GCN1: variants seen among roughly 807,000 people sequenced by gnomAD.
GCN1 encodes GCN1 activator of EIF2AK4.
In GCN1, 90 loss-of-function variants were observed where a neutral mutation model predicts 288.4. The observed-to-expected ratio is 0.31, with a 90% CI of 0.26 to 0.37. The LOEUF is 0.37. Among genes scored for constraint, GCN1 ranks in the 10% least tolerant of loss-of-function variants. The pLI, the probability that GCN1 is intolerant of heterozygous loss-of-function variation, is 1.00. For missense variants in GCN1, 2,586 were observed against 3,419.9 expected (o/e 0.76, Z 6.08); for synonymous variants, 1,386 against 1,420.2 (o/e 0.98, Z 0.54).
chr12:120,128,460 C>T (rs202048362), intron 57 of GCN1, among the ~76,000 whole-genome samples: 6 of 151,910 alleles, frequency 3.9e-5, no homozygotes, highest in South Asian at 2.1e-4. Context: ...CTCAGCTTCC[C>T]GAGTAGCTGA....
At position 120,155,455 on chromosome 12, in the gene GCN1, T is replaced by TGCTTAGACA. The variant is rs778036103; in HGVS notation, c.3441-34_3441-26dup. ...CCTGTGGGAGATCCAAGGCAGGGGC[T>TGCTTAGACA]GCTTAGACAAAGATCTGCAGCACTT... On this transcript the variant is annotated intron_variant, in intron 29 of 57. Transcript: ENST00000300648. This position sits in a 1 kb window ranked among gnomAD's most constrained non-coding sequence, Gnocchi z 4.9. The TGCTTAGACA allele has an allele frequency of 9.3e-6, 15 of 1,609,862 alleles. No individual in the cohort carries two copies. The highest frequency in any genetic ancestry group is 1.2e-5 in the Non-Finnish European group (14 of 1,177,260).
At position 120,134,351 on chromosome 12, in the gene GCN1, C is replaced by T. The variant is rs1453786629; in HGVS notation, c.7257G>A (p.Val2419=). ...CGATGTTTTTCCGGATGACGGCATC[C>T]ACTTTGGCCCCTGCTCCCTGAATCA... ...RFVIQGAGAK[V]DAVIRKNIVS... The change falls in exon 53 of 58, where the codon GTG becomes GTA. Residue 2419 remains valine (V), a synonymous_variant. Coordinates refer to ENST00000300648, the MANE Select transcript of GCN1 (RefSeq NM_006836.2). The surrounding 1 kb of genome is among the most constrained non-coding windows in gnomAD (Gnocchi z 5.0). 1 of 1,614,126 alleles carries T rather than the reference C, an allele frequency of 6.2e-7. No homozygotes were observed. Among genetic ancestry groups the T allele is most frequent in the Non-Finnish European group, 8.5e-7 (1 of 1,180,010 alleles).
Position 120,142,457 on chromosome 12 carries a change from G to A in GCN1, c.5829+50C>T. The A allele has an allele frequency of 4.3e-6, 6 of 1,398,288 alleles. No homozygotes were observed. Among genetic ancestry groups the A allele is most frequent in the Non-Finnish European group, 6.1e-6 (6 of 985,106 alleles). The allele number at this position is 1,398,288 out of a possible 1,614,324, so 86.6% of individuals were successfully genotyped here. On this transcript the variant is annotated intron_variant, in intron 44 of 57. Coordinates refer to ENST00000300648, the MANE Select transcript of GCN1 (RefSeq NM_006836.2). The surrounding 1 kb of genome is among the most constrained non-coding windows in gnomAD (Gnocchi z 4.9). ...CTGCAGACCCAGCCTTCTAGGCTCTGAAAGGAGGCACTGGGGCTGCTGGTC... is the reference window on the plus strand; with the variant it reads ...CTGCAGACCCAGCCTTCTAGGCTCTAAAAGGAGGCACTGGGGCTGCTGGTC...
At chr12:120,174,648 G>A (rs1284267988) in intron 12 of GCN1, among the ~76,000 whole-genome samples, 3 of 151,936 alleles carry the variant, frequency 2.0e-5, no homozygotes, top group Middle Eastern at 3.4e-3. Flanking sequence ...AAAATTAGCT[G>A]GATGTGGTGG....
At chr12:120,191,001 A>G (rs544262102) in intron 1 of GCN1, among the ~76,000 whole-genome samples, 8 of 152,170 alleles carry the variant, frequency 5.3e-5, no homozygotes, top group Admixed American at 1.3e-4. Flanking sequence ...CACTCCCCCA[A>G]TCTTCAGTTT....
At chr12:120,160,071 G>A in intron 23 of GCN1, 48 bp from the exon 24 acceptor site, 1 of 1,582,770 alleles carries the variant, frequency 6.3e-7, no homozygotes. Context: ...CCCTGCTTGT[G>A]ACAGCAAGCA....
Position 120,153,266 on chromosome 12 carries a change from CT to C in GCN1, c.4008del (p.Val1337Ter). 6.2e-7 allele frequency: 1 copy of C among 1,614,222 alleles called. No individual in the cohort carries two copies. Among genetic ancestry groups the C allele is most frequent in the East Asian group, 2.2e-5 (1 of 44,884 alleles). Reference protein sequence around the residue: ...LAKHLDKSDPKVKPIVAKLIA... With the variant: ...LAKHLDKSDPXVKPIVAKLIA... The stretch of plus-strand genomic sequence containing the variant: ...ATGAGCTTGGCAACAATGGGCTTCA[CT>C]TTGGGGTCACTCTTGTCCAGGTGCT... On this transcript the variant is annotated frameshift_variant, in exon 33 of 58. Transcript: ENST00000300648. LOFTEE classifies it high-confidence loss of function. The surrounding 1 kb of genome is among the most constrained non-coding windows in gnomAD (Gnocchi z 4.4).
intron 34 of GCN1, among the ~76,000 whole-genome samples, chr12:120,150,392 A>C (rs1244941027): frequency 4.1e-5 from 6 of 145,898 alleles, no homozygotes; most frequent in South Asian, 4.4e-4. Flanking sequence ...GTCAGGAAAT[A>C]GAGACCATCT....
At chr12:120,189,816 T>C (rs1044722831) in intron 2 of GCN1, among the ~76,000 whole-genome samples, 1 of 151,658 alleles carries the variant, frequency 6.6e-6, no homozygotes, top group Non-Finnish European at 1.5e-5. Flanking sequence ...CCATCTCTAC[T>C]AAAAACACGA....
chr12:120,184,652 G>A (rs959979898), intron 3 of GCN1, among the ~76,000 whole-genome samples, 172 bp downstream of exon 3: 25 of 152,108 alleles, frequency 1.6e-4, no homozygotes, highest in Admixed American at 1.0e-3. Flanking sequence ...TGCAGACAAG[G>A]AAACTGAGGC....
rs775365844 is a variant in GCN1, at chr12:120,178,837, C to T, written c.525+15G>A. 3.7e-6 allele frequency: 6 copies of T among 1,613,674 alleles called. No individual in the cohort carries two copies. The highest frequency in any genetic ancestry group is 5.1e-6 in the Non-Finnish European group (6 of 1,179,552). ...TGGAAGAAGCAATGCCCACCAGCCCCTGCAGTCCTGTCACCTCTTTCCACA... is the reference window on the plus strand; with the variant it reads ...TGGAAGAAGCAATGCCCACCAGCCCTTGCAGTCCTGTCACCTCTTTCCACA... On this transcript the variant is annotated intron_variant, in intron 6 of 57. Coordinates refer to ENST00000300648, the MANE Select transcript of GCN1 (RefSeq NM_006836.2).
rs762260330 is a variant in GCN1, at chr12:120,161,464, T to A, written c.2436+26A>T. The stretch of plus-strand genomic sequence containing the variant: ...GAGGCCACCAAGCTCAGCAGCCACC[T>A]TCCGTAAGTGCCTCCGTGTACTCAC... On this transcript the variant is annotated intron_variant, in intron 22 of 57. Transcript: ENST00000300648. 20 of 1,519,270 alleles carry A rather than the reference T, an allele frequency of 1.3e-5. 1 individual carries two copies. The South Asian group carries it at 2.2e-4, about 17-fold the overall frequency. The allele number at this position is 1,519,270 out of a possible 1,614,324, so 94.1% of individuals were successfully genotyped here. A position where few individuals can be genotyped will look rare whatever the true frequency, so the allele number is the denominator to read the frequency against.
intron 5 of GCN1, among the ~76,000 whole-genome samples, chr12:120,180,832 C>A (rs1186939636): frequency 1.3e-5 from 2 of 148,522 alleles, no homozygotes; most frequent in South Asian, 4.3e-4. Context: ...ACTAAAAATA[C>A]AAAAAAAATT....
intron 56 of GCN1, among the ~76,000 whole-genome samples, chr12:120,129,913 C>T (rs1876759367): frequency 6.6e-6 from 1 of 152,164 alleles, no homozygotes; most frequent in South Asian, 2.1e-4. Flanking sequence ...CTGCCTTGTT[C>T]ATCTCTACAC....
intron 1 of GCN1, among the ~76,000 whole-genome samples, chr12:120,193,400 G>C (rs1338040659): frequency 6.6e-6 from 1 of 152,070 alleles, no homozygotes; most frequent in Non-Finnish European, 1.5e-5. Flanking sequence ...CTGCCTCCCA[G>C]GTTCAAGCGA....
At chr12:120,149,742 T>G in intron 35 of GCN1, 22 bp from the exon 36 acceptor site, 1 of 1,594,952 alleles carries the variant, frequency 6.3e-7, no homozygotes, top group Non-Finnish European at 8.6e-7. Flanking sequence ...AGAAAACACA[T>G]TCAGGGGCCT....
At position 120,147,114 on chromosome 12, in the gene GCN1, T is replaced by C; in HGVS notation, c.4885A>G (p.Thr1629Ala). The C allele has an allele frequency of 6.2e-7, 1 of 1,605,802 alleles. No homozygotes were observed. Among genetic ancestry groups the C allele is most frequent in the Non-Finnish European group, 8.5e-7 (1 of 1,173,858 alleles). ...TGGGCTGCCATCTTCCGCGTGTCCG[T>C]GGAACGGTCCTGGAAGGCTCTCTGG... Reference protein sequence around the residue: ...IVQRAFQDRSTDTRKMAAQII... With the variant: ...IVQRAFQDRSADTRKMAAQII... Residue 1629 changes from threonine to alanine, a missense_variant, in exon 38 of 58, where the codon ACG becomes GCG. This residue lies in a region of GCN1 where 371 missense variants were observed against 572.6 expected (regional missense o/e 0.65). Coordinates refer to ENST00000300648, the MANE Select transcript of GCN1 (RefSeq NM_006836.2).
At chr12:120,148,070 A>G (rs1877417437) in intron 37 of GCN1, 97 bp downstream of exon 37, 5 of 834,714 alleles carry the variant, frequency 6.0e-6, no homozygotes, top group African/African-American at 1.7e-5. Context: ...CCTCGGAGGC[A>G]AAGATCTTAG....
Position 120,158,308 on chromosome 12 carries a change from G to T in GCN1, c.2905+152C>A. 1 of 706,522 alleles carries T rather than the reference G, an allele frequency of 1.4e-6. No individual in the cohort carries two copies. Among genetic ancestry groups the T allele is most frequent in the Non-Finnish European group, 2.3e-6 (1 of 433,798 alleles). The allele number at this position is 706,522 out of a possible 1,614,324, so 43.8% of individuals were successfully genotyped here. ...AAGTAAACCCTCAACTGGGCTCACTGCAATTCACAGACTACGAAGGTTCAA... is the reference window on the plus strand; with the variant it reads ...AAGTAAACCCTCAACTGGGCTCACTTCAATTCACAGACTACGAAGGTTCAA... On this transcript the variant is annotated intron_variant, in intron 25 of 57. Coordinates refer to ENST00000300648, the MANE Select transcript of GCN1 (RefSeq NM_006836.2). The surrounding 1 kb of genome is among the most constrained non-coding windows in gnomAD (Gnocchi z 4.3).
Sources: allele counts gnomAD v4.1 joint callset (sites outside exome capture counted in the v4.1 genomes callset), GRCh38; gene constraint gnomAD v4.1.1; regional missense constraint gnomAD v4.1.1; non-coding constraint Gnocchi (gnomAD v3.1); transcripts MANE v1.5; gene names NCBI Gene and HGNC (gene_info 2026-07-23, HGNC 2026-07-21).